Variants in DENND1A observed in about 807,000 individuals in gnomAD.
DENND1A encodes DENN domain containing 1A, also known as DENN domain-containing protein 1A.
A neutral mutation model predicts 113.7 loss-of-function variants in DENND1A; 51 were observed. The ratio of observed to expected loss-of-function variants is 0.45; its 90% confidence interval spans 0.36 to 0.57. DENND1A has a LOEUF of 0.57. DENND1A is among the 20% of genes least tolerant of loss of function. The pLI is 0.00. For synonymous variants in DENND1A, 565 were observed against 570.8 expected (o/e 0.99, Z 0.14); for missense variants, 1,258 against 1,395.9 (o/e 0.90, Z 1.57).
chr9:123,918,877 C>A (rs1435915948), intron 1 of DENND1A, among the ~76,000 whole-genome samples: 1 of 152,020 alleles, frequency 6.6e-6, no homozygotes, highest in Non-Finnish European at 1.5e-5. Context: ...TACCTATCAC[C>A]ACTTTTAAAA....
chr9:123,928,752 G>A, intron 1 of DENND1A: 3 of 985,410 alleles, frequency 3.0e-6, no homozygotes, highest in Non-Finnish European at 3.6e-6. Context: ...GAGATGCAAT[G>A]TTTGAATAAT....
At chr9:123,582,606 A>G (rs147288648) in intron 12 of DENND1A, among the ~76,000 whole-genome samples, 1,662 of 152,006 alleles carry the variant, frequency 0.011, 44 homozygotes, top group Admixed American at 0.06. Context: ...TCACCATGTT[A>G]GCCAGGATGG....
chr9:123,662,637 A>G (rs1247354864), intron 8 of DENND1A, among the ~76,000 whole-genome samples: 2 of 152,232 alleles, frequency 1.3e-5, no homozygotes, highest in Non-Finnish European at 2.9e-5. Context: ...TTCTCAAGAA[A>G]ACTACTGGCG....
chr9:123,513,646 T>C (rs1395698075), intron 13 of DENND1A, among the ~76,000 whole-genome samples: 1 of 152,252 alleles, frequency 6.6e-6, no homozygotes, highest in Admixed American at 6.5e-5. Flanking sequence ...GAAGAACTGC[T>C]TTGGGTTGAT....
At chr9:123,817,514 T>C (rs1383577133) in intron 2 of DENND1A, among the ~76,000 whole-genome samples, 1 of 152,164 alleles carries the variant, frequency 6.6e-6, no homozygotes. Flanking sequence ...CACAAGATAA[T>C]AACCTTAATG....
intron 11 of DENND1A, among the ~76,000 whole-genome samples, chr9:123,603,361 T>C (rs1182026048): frequency 6.6e-6 from 1 of 152,198 alleles, no homozygotes; most frequent in African/African-American, 2.4e-5. Flanking sequence ...ATAGTTAAAT[T>C]GGGAACCTTG....
At chr9:123,711,516 T>TATATATATATATATAC (rs2066619888) in intron 5 of DENND1A, among the ~76,000 whole-genome samples, 1 of 25,736 alleles carries the variant, frequency 3.9e-5, no homozygotes, top group Non-Finnish European at 6.5e-5. Context: ...TATATATGTA[T>TATATATATATATATAC]ATATATATAT....
intron 1 of DENND1A, among the ~76,000 whole-genome samples, chr9:123,923,198 G>A (rs564426104): frequency 2.6e-5 from 4 of 152,200 alleles, no homozygotes; most frequent in Admixed American, 2.6e-4. Flanking sequence ...CTTACCTTCT[G>A]TTTCAACCTT....
In DENND1A at chr9:123,557,723, G is replaced by A. The variant is rs902067630; in HGVS notation, c.868-28C>T. The A allele has an allele frequency of 3.1e-6, 5 of 1,612,470 alleles. No homozygotes were observed. In the East Asian group the frequency reaches 8.9e-5, roughly 29 times the overall value. On this transcript the variant is annotated intron_variant, in intron 12 of 23. Coordinates refer to ENST00000394215, the MANE Select transcript of DENND1A (RefSeq NM_001352964.2). ...GGTGATGGAGAGAAGGAAAACACAG[G>A]TTGAGGACAGGGTCAAAGTAGGGTG...
At chr9:123,525,758 C>CTTT (rs34055700) in intron 13 of DENND1A, among the ~76,000 whole-genome samples, 1,881 of 129,776 alleles carry the variant, frequency 0.014, 53 homozygotes, top group East Asian at 0.081. Flanking sequence ...TGCAGTCTAC[C>CTTT]TTTTTTTTTT....
At chr9:123,741,091 T>C (rs117839052) in intron 5 of DENND1A, among the ~76,000 whole-genome samples, 264 of 152,272 alleles carry the variant, frequency 1.7e-3, no homozygotes, top group Non-Finnish European at 3.0e-3. Context: ...TCAAGGAAAT[T>C]ATATAATTTC....
intron 13 of DENND1A, among the ~76,000 whole-genome samples, chr9:123,475,736 C>T (rs1412790823): frequency 6.6e-6 from 1 of 152,202 alleles, no homozygotes; most frequent in African/African-American, 2.4e-5. Context: ...TTCGTGTCGC[C>T]CAACAGAGAC....
chr9:123,638,293 A>C (rs1018038403), intron 9 of DENND1A, among the ~76,000 whole-genome samples: 1 of 152,128 alleles, frequency 6.6e-6, no homozygotes, highest in African/African-American at 2.4e-5. Flanking sequence ...GTGAGGAAAG[A>C]GCTTTCTTTC....
chr9:123,423,224 A>G (rs980468394), intron 19 of DENND1A, among the ~76,000 whole-genome samples: 2 of 152,126 alleles, frequency 1.3e-5, no homozygotes, highest in Non-Finnish European at 1.5e-5. Context: ...TTCAGGGTGA[A>G]TGGCTGAAAG....
At chr9:123,705,080 AC>A (rs1427991908) in intron 5 of DENND1A, among the ~76,000 whole-genome samples, 3 of 149,976 alleles carry the variant, frequency 2.0e-5, no homozygotes, top group Admixed American at 6.6e-5. Context: ...AAAAAAAAAA[AC>A]AAACAAACAC....
chr9:123,552,039 CAGAGAGAGAGAG>C (rs58452320), intron 13 of DENND1A, among the ~76,000 whole-genome samples: 3 of 128,336 alleles, frequency 2.3e-5, no homozygotes, highest in Admixed American at 2.3e-4. Context: ...GAGAGAGAGA[CAGAGAGAGAGAG>C]AGAGAGAGAG....
intron 2 of DENND1A, among the ~76,000 whole-genome samples, chr9:123,809,416 A>G (rs1836157854): frequency 6.6e-6 from 1 of 152,222 alleles, no homozygotes; most frequent in African/African-American, 2.4e-5. Context: ...TAAACTAAAA[A>G]TGTTTACTGA....
intron 8 of DENND1A, among the ~76,000 whole-genome samples, chr9:123,660,092 C>T (rs2063154305): frequency 6.6e-6 from 1 of 152,168 alleles, no homozygotes; most frequent in Non-Finnish European, 1.5e-5. Flanking sequence ...GGAACAAAAG[C>T]TTACAAACCT....
At chr9:123,794,282 C>A (rs1039020510) in intron 2 of DENND1A, among the ~76,000 whole-genome samples, 1 of 152,162 alleles carries the variant, frequency 6.6e-6, no homozygotes, top group Non-Finnish European at 1.5e-5. Context: ...AGGGGGTGAA[C>A]AACGGGGAAC....
Sources: gnomAD v4.1 joint callset for allele counts (sites outside exome capture counted in the v4.1 genomes callset) on GRCh38, gnomAD v4.1.1 for gene constraint, MANE v1.5 for transcripts, NCBI Gene and HGNC (gene_info 2026-07-23, HGNC 2026-07-21) for gene names.